The following RARB variants were observed in gnomAD, a reference collection of about 807,000 sequenced individuals.
RARB encodes HBV-activated protein.
RARB carries 17 observed loss-of-function variants against 51.9 expected under a neutral mutation model. The observed-to-expected ratio is 0.33, with a 90% confidence interval of 0.22 to 0.49. The LOEUF is 0.49. RARB is among the 20% of genes least tolerant of loss of function. The pLI, the probability that RARB is intolerant of heterozygous loss-of-function variation, is 0.99. For synonymous variants in RARB, 215 were observed against 195.4 expected (o/e 1.10, Z -0.84); for missense variants, 369 against 550.8 (o/e 0.67, Z 3.30).
intron 2 of RARB, among the ~76,000 whole-genome samples, chr3:24,996,819 C>T (rs890550988): frequency 6.6e-6 from 1 of 151,826 alleles, no homozygotes; most frequent in Non-Finnish European, 1.5e-5. Flanking sequence ...AGATAAGATA[C>T]TGGATGTTAT....
At chr3:25,428,981 C>G in intron 1 of RARB, 93 bp downstream of exon 1, 2 of 1,381,894 alleles carry the variant, frequency 1.4e-6, no homozygotes, top group South Asian at 2.9e-5. Flanking sequence ...GCATTGGTAG[C>G]AAGACAAAGG....
intron 5 of RARB, among the ~76,000 whole-genome samples, chr3:25,312,967 C>T (rs986546399): frequency 1.3e-5 from 2 of 152,168 alleles, no homozygotes; most frequent in Admixed American, 6.5e-5. Context: ...CCTGGATTCT[C>T]GAGGCATTTG....
intron 5 of RARB, among the ~76,000 whole-genome samples, chr3:25,306,028 G>T (rs1704144568): frequency 6.6e-6 from 1 of 152,190 alleles, no homozygotes; most frequent in African/African-American, 2.4e-5. Flanking sequence ...ATATTTGGGG[G>T]AAAGAGTTTG....
chr3:25,286,465 T>C lies in RARB; in HGVS notation c.178+111890T>C, dbSNP rs150441101. ...CTCTACTATAATCCCTCTAGCCTAC[T>C]GAGAAGCCCTCTGATGTTTCTCCTC... On this transcript the variant is annotated intron_variant, in intron 5 of 11. Coordinates refer to the RARB transcript ENST00000383772. Among the ~76,000 whole-genome samples, 530 of 152,308 alleles carry C rather than the reference T, an allele frequency of 3.5e-3. 8 individuals are homozygous for C. Among genetic ancestry groups the C allele is most frequent in the African/African-American group, 0.012 (517 of 41,556 alleles).
At chr3:24,918,523 C>T (rs1695151689) in intron 2 of RARB, among the ~76,000 whole-genome samples, 1 of 152,148 alleles carries the variant, frequency 6.6e-6, no homozygotes, top group Non-Finnish European at 1.5e-5. Flanking sequence ...TTAAATTATA[C>T]ACTTATAACA....
chr3:24,942,638 T>A (rs915219150), intron 2 of RARB, among the ~76,000 whole-genome samples: 6 of 152,192 alleles, frequency 3.9e-5, no homozygotes, highest in Non-Finnish European at 8.8e-5. Context: ...TTATTCATCT[T>A]TGTAGTCAAG....
At chr3:24,983,124 G>T (rs1696712231) in intron 2 of RARB, among the ~76,000 whole-genome samples, 1 of 152,038 alleles carries the variant, frequency 6.6e-6, no homozygotes, top group South Asian at 2.1e-4. Context: ...TATTTGAGTT[G>T]CCAATAAAAC....
chr3:25,557,162 C>T (rs1241876134), intron 3 of RARB, among the ~76,000 whole-genome samples: 1 of 149,782 alleles, frequency 6.7e-6, no homozygotes, highest in Non-Finnish European at 1.5e-5. Flanking sequence ...CACACACACA[C>T]ACACACACAC....
chr3:25,441,363 G>T, intron 1 of RARB: 1 of 286,084 alleles, frequency 3.5e-6, no homozygotes, highest in South Asian at 4.0e-5. Flanking sequence ...CAGTTCACTG[G>T]ACTTCGTATA....
At chr3:25,591,251 G>T (rs1335831205) in intron 5 of RARB, among the ~76,000 whole-genome samples, 1 of 152,122 alleles carries the variant, frequency 6.6e-6, no homozygotes, top group Non-Finnish European at 1.5e-5. Flanking sequence ...GAAGTTTGAG[G>T]ACATGTCCTG....
At chr3:25,511,141 G>GTT (rs61573718) in intron 3 of RARB, among the ~76,000 whole-genome samples, 15,012 of 150,746 alleles carry the variant, frequency 0.1, 851 homozygotes, top group Middle Eastern at 0.2. Flanking sequence ...GTTTTGGTTT[G>GTT]TTTTTTTTTG....
At chr3:25,519,029 G>A (rs1057130575) in intron 3 of RARB, among the ~76,000 whole-genome samples, 3 of 152,154 alleles carry the variant, frequency 2.0e-5, no homozygotes, top group African/African-American at 7.2e-5. Flanking sequence ...CCTACACAGA[G>A]TCACAGTGTA....
chr3:24,878,230 T>C (rs545930257), intron 2 of RARB, among the ~76,000 whole-genome samples: 14 of 151,698 alleles, frequency 9.2e-5, no homozygotes, highest in Non-Finnish European at 2.1e-4. Context: ...TTTTTGCTTG[T>C]AGTTTCCTTG....
chr3:25,266,187 A>G (rs1203401071), intron 5 of RARB, among the ~76,000 whole-genome samples: 4 of 152,110 alleles, frequency 2.6e-5, no homozygotes, highest in Admixed American at 2.6e-4. Flanking sequence ...TTAGGACATA[A>G]ATATCTTTGG....
intron 2 of RARB, among the ~76,000 whole-genome samples, chr3:24,867,644 G>T (rs1302017481): frequency 6.6e-6 from 1 of 152,114 alleles, no homozygotes; most frequent in Non-Finnish European, 1.5e-5. Context: ...TTGGGTGCAG[G>T]CCCCTTTCCT....
intron 5 of RARB, among the ~76,000 whole-genome samples, chr3:25,336,454 A>T (rs1705065813): frequency 6.6e-6 from 1 of 152,140 alleles, no homozygotes; most frequent in Admixed American, 6.6e-5. Flanking sequence ...TATTTGTTTA[A>T]TGGCTTCTTA....
At chr3:25,030,444 G>T (rs561137410) in intron 2 of RARB, among the ~76,000 whole-genome samples, 26 of 152,120 alleles carry the variant, frequency 1.7e-4, no homozygotes, top group Non-Finnish European at 3.7e-4. Flanking sequence ...TTTGGTTTTG[G>T]TTTAAAACTG....
chr3:24,931,452 G>A (rs959817158), intron 2 of RARB, among the ~76,000 whole-genome samples: 8 of 151,992 alleles, frequency 5.3e-5, no homozygotes, highest in African/African-American at 1.7e-4. Context: ...CCATTAGGCT[G>A]TTGTCTACCT....
chr3:25,348,074 A>G (rs547074069), intron 5 of RARB, among the ~76,000 whole-genome samples: 5 of 152,246 alleles, frequency 3.3e-5, no homozygotes, highest in South Asian at 4.1e-4. Context: ...TATATCTTCC[A>G]TAATGATCTT....
Sources: allele counts gnomAD v4.1 joint callset (sites outside exome capture counted in the v4.1 genomes callset), GRCh38; gene constraint gnomAD v4.1.1; transcripts MANE v1.5; gene names NCBI Gene and HGNC (gene_info 2026-07-23, HGNC 2026-07-21).